The following HIGD1C variants were observed in gnomAD, a reference collection of about 807,000 sequenced individuals.
The protein encoded by HIGD1C is HIG1 domain family member 1C.
In HIGD1C, 11 loss-of-function variants were observed where a neutral mutation model predicts 13.1. That is an observed-to-expected ratio of 0.84 (90% CI 0.53 to 1.39). The LOEUF is 1.39. Among genes scored for constraint, HIGD1C ranks in the 40% most tolerant of loss-of-function variants. The pLI, the probability that HIGD1C is intolerant of heterozygous loss-of-function variation, is 0.00. For missense variants in HIGD1C, 110 were observed against 112.0 expected (o/e 0.98, Z 0.08); for synonymous variants, 36 against 37.7 (o/e 0.95, Z 0.17).
chr12:50,952,921 A>G, upstream of HIGD1C, among the ~76,000 whole-genome samples: 1 of 152,246 alleles, frequency 6.6e-6, no homozygotes, highest in East Asian at 1.9e-4. Context: ...CTAAGACTCA[A>G]CAGTCACAGA....
downstream of HIGD1C, chr12:50,970,616 T>C: frequency 1.5e-6 from 1 of 664,816 alleles, no homozygotes; most frequent in Non-Finnish European, 2.6e-6. Flanking sequence ...CACAGAATGC[T>C]CATAGCCTTT....
At chr12:50,971,274 T>A (rs1417119940), downstream of HIGD1C, among the ~76,000 whole-genome samples, 1 of 152,230 alleles carries the variant, frequency 6.6e-6, no homozygotes, top group African/African-American at 2.4e-5. Flanking sequence ...TAAACTCCTT[T>A]TTAGAATGGG....
chr12:50,961,166 C>T, intron 2 of HIGD1C, 64 bp downstream of exon 4: 1 of 1,503,698 alleles, frequency 6.7e-7, no homozygotes, highest in South Asian at 1.2e-5. Flanking sequence ...TTATTTTATT[C>T]ATTCATAGTA....
At chr12:50,946,175 G>C in the HIGD1C span, among the ~76,000 whole-genome samples, 597 of 152,228 alleles carry the variant, frequency 3.9e-3, 8 homozygotes, top group African/African-American at 0.013. Flanking sequence ...CATGGGCAAG[G>C]ACTTCATGTC....
the HIGD1C span, among the ~76,000 whole-genome samples, chr12:50,948,090 T>G: frequency 6.6e-6 from 1 of 152,220 alleles, no homozygotes; most frequent in African/African-American, 2.4e-5. Flanking sequence ...TTTTATAGAA[T>G]AGCTCACATT....
At chr12:50,964,623 G>C (rs900164624) in intron 2 of HIGD1C, among the ~76,000 whole-genome samples, 6 of 152,168 alleles carry the variant, frequency 3.9e-5, no homozygotes, top group Admixed American at 2.0e-4. Flanking sequence ...GGCAGTGAAA[G>C]CATACTGTGG....
At chr12:50,955,392 C>G (rs1485575327) in intron 1 of HIGD1C, among the ~76,000 whole-genome samples, 1 of 152,278 alleles carries the variant, frequency 6.6e-6, no homozygotes, top group East Asian at 1.9e-4. Flanking sequence ...TTAAAAAACC[C>G]CACAAAACCT....
chr12:50,957,914 G>A (rs1311235160), intron 1 of HIGD1C, among the ~76,000 whole-genome samples: 1 of 147,382 alleles, frequency 6.8e-6, no homozygotes, highest in African/African-American at 2.5e-5. Flanking sequence ...AAAATGGAGA[G>A]ACTACTGTAT....
At chr12:50,950,670 A>ATTTT (rs57553489), upstream of HIGD1C, among the ~76,000 whole-genome samples, 21 of 87,680 alleles carry the variant, frequency 2.4e-4, no homozygotes, top group Non-Finnish European at 3.2e-4. Context: ...TGCCCAGCTA[A>ATTTT]TTTTTTTTTT....
At chr12:50,967,300 C>G (rs968320551) in intron 2 of HIGD1C, among the ~76,000 whole-genome samples, 3 of 152,050 alleles carry the variant, frequency 2.0e-5, no homozygotes, top group Non-Finnish European at 4.4e-5. Context: ...TATGCATCAT[C>G]ATGTCTGGCT....
At position 50,959,076 on chromosome 12, in the gene HIGD1C, T is replaced by A. The variant is rs557167697; in HGVS notation, c.95-1892T>A. 3.3e-5 allele frequency among the ~76,000 whole-genome samples: 5 copies of A among 152,328 alleles called. No individual in the cohort carries two copies. The South Asian group carries it at 1.0e-3, about 32-fold the overall frequency. The stretch of plus-strand genomic sequence containing the variant: ...TTACTGTGCAAATGTTTTCTTACTG[T>A]GCATTTTGTCCTTGTCATATTCTAT... On this transcript the variant is annotated intron_variant, in intron 1 of 2. Transcript: ENST00000398455.
intron 1 of HIGD1C, among the ~76,000 whole-genome samples, chr12:50,958,612 T>C (rs1218720020): frequency 6.6e-6 from 1 of 151,634 alleles, no homozygotes; most frequent in Non-Finnish European, 1.5e-5. Flanking sequence ...AAGATAAAAG[T>C]GGAAAGAATC....
chr12:50,968,123 G>GAGGAGGAGGAGT (rs1482115767), intron 2 of HIGD1C, among the ~76,000 whole-genome samples: 1 of 151,702 alleles, frequency 6.6e-6, no homozygotes, highest in Non-Finnish European at 1.5e-5. Context: ...GGAGGAGGAG[G>GAGGAGGAGGAGT]AGGAGAATGA....
At chr12:50,966,279 T>C (rs1016598115) in intron 2 of HIGD1C, among the ~76,000 whole-genome samples, 3 of 152,166 alleles carry the variant, frequency 2.0e-5, no homozygotes, top group Non-Finnish European at 4.4e-5. Flanking sequence ...CCCTGACAAA[T>C]GTCTTTCTCA....
At chr12:50,949,005 T>C (rs1938845956), upstream of HIGD1C, 1 of 143,532 alleles carries the variant, frequency 7.0e-6, no homozygotes, top group Non-Finnish European at 1.5e-5. Flanking sequence ...CTGTAATGTC[T>C]CCAGCCTACA....
At chr12:50,953,520 T>C (rs1389006047), upstream of HIGD1C, among the ~76,000 whole-genome samples, 1 of 152,244 alleles carries the variant, frequency 6.6e-6, no homozygotes, top group Non-Finnish European at 1.5e-5. Flanking sequence ...GACTTTATAA[T>C]GCCCTGCACA....
chr12:50,954,292 G>A (rs1332734383), intron 1 of HIGD1C, 200 bp downstream of exon 3: 1 of 445,762 alleles, frequency 2.2e-6, no homozygotes, highest in Non-Finnish European at 3.9e-6. Context: ...GTTATTTGAG[G>A]CATCAAATTT....
chr12:50,948,723 C>T, the HIGD1C span, among the ~76,000 whole-genome samples: 583 of 148,428 alleles, frequency 3.9e-3, 7 homozygotes, highest in African/African-American at 0.013. Flanking sequence ...CAAAAATTAT[C>T]TGGGCATGGT....
At chr12:50,941,540 C>A in the HIGD1C span, among the ~76,000 whole-genome samples, 1 of 151,990 alleles carries the variant, frequency 6.6e-6, no homozygotes. Flanking sequence ...GTGGGAGGGG[C>A]GGTATGGTCA....
Sources: allele counts gnomAD v4.1 joint callset (sites outside exome capture counted in the v4.1 genomes callset), GRCh38; gene constraint gnomAD v4.1.1; transcripts MANE v1.5; gene names NCBI Gene and HGNC (gene_info 2026-07-23, HGNC 2026-07-21).